The following ADAMTSL3 variants were observed in gnomAD, a reference collection of about 807,000 sequenced individuals.
The protein encoded by ADAMTSL3 is ADAMTS like 3.
Under a neutral mutation model 201.7 loss-of-function variants are expected in ADAMTSL3, and 128 were observed. The ratio of observed to expected loss-of-function variants is 0.63; its 90% confidence interval spans 0.55 to 0.73. ADAMTSL3 has a LOEUF of 0.73. ADAMTSL3 is among the 30% of genes least tolerant of loss of function. ADAMTSL3 has a pLI of 0.00. For synonymous variants in ADAMTSL3, 738 were observed against 748.4 expected (o/e 0.99, Z 0.23); for missense variants, 1,990 against 2,119.6 (o/e 0.94, Z 1.20).
At chr15:84,016,606 A>G (rs2068091273) in intron 25 of ADAMTSL3, 107 bp downstream of exon 25, 3 of 912,412 alleles carry the variant, frequency 3.3e-6, no homozygotes, top group Non-Finnish European at 5.0e-6. Context: ...ATGTAAAATT[A>G]TTTCTAGGCA....
Position 83,800,913 on chromosome 15 carries a change from G to A in ADAMTSL3, c.318-3737G>A, listed in dbSNP as rs183647454. Among the ~76,000 whole-genome samples, 27 of 152,046 alleles carry A rather than the reference G, an allele frequency of 1.8e-4. No individual in the cohort carries two copies. In the East Asian group the frequency reaches 4.4e-3, roughly 25 times the overall value. Reference sequence around the variant, plus strand: ...ATTTATTTTCTTCTTTTGTTCATACGTAAAAAGCAAAATGAAGTAGGCCAT... The same window carrying A: ...ATTTATTTTCTTCTTTTGTTCATACATAAAAAGCAAAATGAAGTAGGCCAT... On this transcript the variant is annotated intron_variant, in intron 4 of 29. Transcript: ENST00000286744.
chr15:83,743,266 C>T (rs1014861620), intron 3 of ADAMTSL3, among the ~76,000 whole-genome samples: 1 of 151,772 alleles, frequency 6.6e-6, no homozygotes, highest in African/African-American at 2.4e-5. Context: ...TGCTTTCCAG[C>T]ACTTTGGGAG....
At chr15:83,758,156 A>T (rs2062750794) in intron 3 of ADAMTSL3, among the ~76,000 whole-genome samples, 1 of 152,182 alleles carries the variant, frequency 6.6e-6, no homozygotes. Context: ...TACCAGTACC[A>T]ATTTACTGTA....
At chr15:83,893,440 T>C (rs945504122) in intron 13 of ADAMTSL3, among the ~76,000 whole-genome samples, 3 of 152,092 alleles carry the variant, frequency 2.0e-5, no homozygotes, top group Admixed American at 2.0e-4. Flanking sequence ...TACTAAGAAC[T>C]GGAAGATTAA....
At chr15:83,714,791 T>TTCTTTCTTTCTTTCTTTCTTTCTC (rs1555433213) in intron 3 of ADAMTSL3, among the ~76,000 whole-genome samples, 1 of 78,884 alleles carries the variant, frequency 1.3e-5, no homozygotes, top group Non-Finnish European at 2.6e-5. Flanking sequence ...TTCTTTTTCT[T>TTCTTTCTTTCTTTCTTTCTTTCTC]TCTCTCTCTT....
chr15:83,851,073 G>A (rs965372935), intron 7 of ADAMTSL3, among the ~76,000 whole-genome samples: 8 of 152,168 alleles, frequency 5.3e-5, no homozygotes, highest in Admixed American at 2.6e-4. Context: ...TTCTATGGGT[G>A]GAGCAGGTGT....
chr15:83,795,928 C>G (rs372086943), intron 4 of ADAMTSL3, among the ~76,000 whole-genome samples: 2 of 151,856 alleles, frequency 1.3e-5, no homozygotes, highest in African/African-American at 2.4e-5. Flanking sequence ...GAAATACTTG[C>G]GAGGAGTAAG....
chr15:83,736,287 G>T (rs1185429093), intron 3 of ADAMTSL3, among the ~76,000 whole-genome samples: 1 of 152,144 alleles, frequency 6.6e-6, no homozygotes, highest in Admixed American at 6.5e-5. Context: ...CCATGTCAAA[G>T]AAAATAAAAT....
At chr15:83,926,967 C>A (rs2066257720) in intron 17 of ADAMTSL3, among the ~76,000 whole-genome samples, 1 of 151,996 alleles carries the variant, frequency 6.6e-6, no homozygotes, top group Non-Finnish European at 1.5e-5. Flanking sequence ...ATATTTGTAG[C>A]CATGAATATC....
intron 16 of ADAMTSL3, among the ~76,000 whole-genome samples, chr15:83,914,121 G>A (rs369347281): frequency 1.1e-4 from 17 of 152,176 alleles, no homozygotes; most frequent in Admixed American, 5.2e-4. Flanking sequence ...CTGTCACCCC[G>A]TCCCCTCATC....
intron 7 of ADAMTSL3, among the ~76,000 whole-genome samples, chr15:83,845,496 C>T (rs2064478740): frequency 6.6e-6 from 1 of 152,156 alleles, no homozygotes; most frequent in African/African-American, 2.4e-5. Flanking sequence ...TCAGTTTGGC[C>T]TCTGACAATC....
rs780807005 is a variant in ADAMTSL3, at chr15:83,885,091, C to G, written c.961-10C>G. 8 of 1,602,368 alleles carry G rather than the reference C, an allele frequency of 5.0e-6. No homozygotes were observed. In the African/African-American group the frequency reaches 1.1e-4, roughly 21 times the overall value. On this transcript the variant is annotated splice_polypyrimidine_tract_variant and intron_variant, in intron 9 of 29. Transcript: ENST00000286744. ...TTTGCACGTGTGTTCTCACAGTTCT[C>G]TTTGTCCAGACCAGGTACACTGCAG...
At chr15:83,998,487 A>T (rs2067730454) in intron 23 of ADAMTSL3, among the ~76,000 whole-genome samples, 1 of 152,218 alleles carries the variant, frequency 6.6e-6, no homozygotes. Context: ...ATAATAAAAG[A>T]GTCTGTAAAT....
In ADAMTSL3 at chr15:84,036,967, G is replaced by C; in HGVS notation, c.4949G>C (p.Cys1650Ser). The C allele has an allele frequency of 6.2e-7, 1 of 1,614,052 alleles. No homozygotes were observed. Among genetic ancestry groups the C allele is most frequent in the Middle Eastern group, 1.6e-4 (1 of 6,062 alleles). ...AAGAAACCAATTTCCTGGCGGCACT[G>C]TCTTGGGCCCTCCTGTGATAGTACG... ...QKKKPISWRH[C>S]LGPSCDRDCT... is the part of the protein sequence containing the mutation. Residue 1650 changes from cysteine (C) to serine (S), a missense_variant, in exon 29 of 30, where the codon TGT becomes TCT. Cys to Ser is a moderately radical substitution (Grantham distance 112). Coordinates refer to ENST00000286744, the MANE Select transcript of ADAMTSL3 (RefSeq NM_207517.3).
intron 19 of ADAMTSL3, among the ~76,000 whole-genome samples, chr15:83,951,317 T>A (rs559812735): frequency 4.9e-4 from 75 of 152,306 alleles, no homozygotes; most frequent in African/African-American, 1.6e-3. Context: ...ATGTATTACA[T>A]TGATTGATTT....
intron 2 of ADAMTSL3, among the ~76,000 whole-genome samples, chr15:83,695,234 G>GGTA (rs376068496): frequency 6.1e-3 from 4 of 656 alleles, no homozygotes; most frequent in African/African-American, 0.016. Flanking sequence ...TGTAATGTGT[G>GGTA]TGTGTGTGTG....
chr15:83,696,131 T>C (rs1347190975), intron 2 of ADAMTSL3, among the ~76,000 whole-genome samples: 1 of 152,206 alleles, frequency 6.6e-6, no homozygotes, highest in Non-Finnish European at 1.5e-5. Context: ...CTGATTTGCC[T>C]GGAAGATACG....
chr15:83,803,968 C>A (rs1005043921), intron 4 of ADAMTSL3, among the ~76,000 whole-genome samples: 10 of 152,206 alleles, frequency 6.6e-5, no homozygotes, highest in Admixed American at 1.3e-4. Flanking sequence ...CATGGTGTAA[C>A]CCCGTCTCTA....
intron 26 of ADAMTSL3, among the ~76,000 whole-genome samples, 196 bp from the exon 27 acceptor site, chr15:84,025,042 T>C (rs2068276771): frequency 1.3e-5 from 2 of 152,194 alleles, no homozygotes; most frequent in South Asian, 4.1e-4. Flanking sequence ...CTCTACATGA[T>C]GACACTGTTT....
Sources: allele counts gnomAD v4.1 joint callset (sites outside exome capture counted in the v4.1 genomes callset), GRCh38; gene constraint gnomAD v4.1.1; transcripts MANE v1.5; gene names NCBI Gene and HGNC (gene_info 2026-07-23, HGNC 2026-07-21).